The following RAB3GAP2 variants were observed in gnomAD, a reference collection of about 807,000 sequenced individuals.
RAB3GAP2 encodes the protein RAB3 GTPase activating non-catalytic protein subunit 2, also known as rab3 GTPase-activating protein non-catalytic subunit.
RAB3GAP2 carries 87 observed loss-of-function variants against 185.3 expected under a neutral mutation model. The observed-to-expected ratio is 0.47, with a 90% CI of 0.39 to 0.56. RAB3GAP2 has a LOEUF of 0.56. Among genes scored for constraint, RAB3GAP2 ranks in the 20% least tolerant of loss-of-function variants. The pLI, the probability that RAB3GAP2 is intolerant of heterozygous loss-of-function variation, is 0.00. For synonymous variants in RAB3GAP2, 554 were observed against 576.1 expected, an observed-to-expected ratio of 0.96 and a Z score of 0.55; for missense variants, 1,492 against 1,638.2, an observed-to-expected ratio of 0.91 and a Z score of 1.54.
intron 22 of RAB3GAP2, 22 bp downstream of exon 22, chr1:220,172,615 G>T: frequency 6.6e-7 from 1 of 1,506,152 alleles, no homozygotes; most frequent in Non-Finnish European, 9.2e-7. Context: ...CTTTGTTGAC[G>T]AGAGCAACAA....
Position 220,151,636 on chromosome 1 carries a change from T to C in RAB3GAP2, c.3996A>G (p.Pro1332=), listed in dbSNP as rs768393894. 8 of 1,612,144 alleles carry C rather than the reference T, an allele frequency of 5.0e-6. No homozygotes were observed. In the African/African-American group the frequency reaches 8.0e-5, roughly 16 times the overall value. The part of the protein sequence containing the change: ...KEGMELLARL[P]PTLCTWLKAM... ...CTTTCAGCCAAGTACACAGTGTGGGTGGAAGTCTGGCAAGCAGCTCCATTC... is the reference window on the plus strand; with the variant it reads ...CTTTCAGCCAAGTACACAGTGTGGGCGGAAGTCTGGCAAGCAGCTCCATTC... Residue 1332 remains proline, a synonymous_variant, in exon 34 of 35, where the codon CCA becomes CCG. Coordinates refer to ENST00000358951, the MANE Select transcript of RAB3GAP2 (RefSeq NM_012414.4).
At chr1:220,196,116 AT>A (rs1394474346) in intron 10 of RAB3GAP2, 133 bp downstream of exon 10, 1 of 986,846 alleles carries the variant, frequency 1.0e-6, no homozygotes, top group Non-Finnish European at 1.5e-6. Flanking sequence ...GTTGAGATTA[AT>A]TTTAGTTTCA....
chr1:220,254,368 T>C, intron 1 of RAB3GAP2: 1 of 1,613,334 alleles, frequency 6.2e-7, no homozygotes, highest in South Asian at 1.1e-5. Flanking sequence ...CCTGAGATTA[T>C]TTGTACGAAT....
intron 9 of RAB3GAP2, among the ~76,000 whole-genome samples, chr1:220,197,155 T>C (rs1398286331): frequency 6.6e-6 from 1 of 151,852 alleles, no homozygotes; most frequent in African/African-American, 2.4e-5. Flanking sequence ...GCCCAGCTAA[T>C]TTTTGTATTT....
intron 1 of RAB3GAP2, chr1:220,266,577 A>G: frequency 1.1e-6 from 1 of 871,646 alleles, no homozygotes; most frequent in Non-Finnish European, 1.9e-6. Flanking sequence ...CCTGCTCAGT[A>G]AAACAAATAT....
At chr1:220,223,203 A>G (rs1419129375) in intron 2 of RAB3GAP2, among the ~76,000 whole-genome samples, 1 of 152,160 alleles carries the variant, frequency 6.6e-6, no homozygotes, top group Admixed American at 6.5e-5. Flanking sequence ...GGCACATGTC[A>G]CTTTGTCTGA....
intron 1 of RAB3GAP2, among the ~76,000 whole-genome samples, chr1:220,251,921 G>A (rs1165550321): frequency 6.6e-6 from 1 of 152,088 alleles, no homozygotes; most frequent in African/African-American, 2.4e-5. Context: ...AAGCCGAGGT[G>A]GTGGGATTGC....
At chr1:220,170,841 C>T (rs772208818) in intron 24 of RAB3GAP2, 51 bp downstream of exon 24, 1 of 1,448,614 alleles carries the variant, frequency 6.9e-7, no homozygotes, top group Non-Finnish European at 9.7e-7. Flanking sequence ...TAAAAGAAAC[C>T]CTCGTAACAT....
chr1:220,169,836 T>G (rs1374806387), intron 24 of RAB3GAP2, among the ~76,000 whole-genome samples: 1 of 152,220 alleles, frequency 6.6e-6, no homozygotes, highest in Non-Finnish European at 1.5e-5. Context: ...ATTTTATTAG[T>G]CCATTTTGAA....
chr1:220,215,960 A>G (rs1344142373), intron 2 of RAB3GAP2, among the ~76,000 whole-genome samples: 1 of 152,172 alleles, frequency 6.6e-6, no homozygotes, highest in Non-Finnish European at 1.5e-5. Flanking sequence ...AGATTTTAGA[A>G]ACAGAAAATC....
At position 220,212,746 on chromosome 1, in the gene RAB3GAP2, G is replaced by A. The variant is rs867245397; in HGVS notation, c.386+141C>T. The A allele has an allele frequency of 9.6e-6, 7 of 730,414 alleles. No individual in the cohort carries two copies. The African/African-American group carries it at 1.1e-4, about 11-fold the overall frequency. The allele number at this position is 730,414 out of a possible 1,614,324, so 45.2% of individuals were successfully genotyped here. On this transcript the variant is annotated intron_variant, in intron 4 of 34. Transcript: ENST00000358951. The stretch of plus-strand genomic sequence containing the variant: ...GGGCTCAAATGATCTTCCTGCCTTG[G>A]CTTCCCAAAGTGCTAGGATTACAGA...
chr1:220,194,964 G>C, intron 12 of RAB3GAP2, 114 bp downstream of exon 12: 1 of 1,041,592 alleles, frequency 9.6e-7, no homozygotes, highest in Non-Finnish European at 1.5e-6. Flanking sequence ...CACTGTAATG[G>C]CTTTCAGAAG....
At chr1:220,223,335 ACT>A (rs986134068) in intron 2 of RAB3GAP2, among the ~76,000 whole-genome samples, 71 of 152,266 alleles carry the variant, frequency 4.7e-4, no homozygotes, top group African/African-American at 1.7e-3. Flanking sequence ...ATAAGAAATA[ACT>A]CTCACTCAAT....
intron 7 of RAB3GAP2, chr1:220,208,159 T>G (rs1023174364): frequency 6.6e-6 from 1 of 152,226 alleles, no homozygotes; most frequent in African/African-American, 2.4e-5. Context: ...GTTATATTTT[T>G]CCACCAGTTC....
chr1:220,152,800 G>A (rs924475971), intron 33 of RAB3GAP2, among the ~76,000 whole-genome samples: 1 of 152,002 alleles, frequency 6.6e-6, no homozygotes, highest in Non-Finnish European at 1.5e-5. Context: ...CAAGTGATCT[G>A]CCACCTGAGC....
chr1:220,163,942 T>C (rs974734274), intron 27 of RAB3GAP2, among the ~76,000 whole-genome samples: 1 of 151,784 alleles, frequency 6.6e-6, no homozygotes, highest in Non-Finnish European at 1.5e-5. Flanking sequence ...TAAGGTGATA[T>C]CTCCTCTTAC....
intron 1 of RAB3GAP2, among the ~76,000 whole-genome samples, chr1:220,241,126 T>C (rs1426911556): frequency 6.6e-6 from 1 of 152,114 alleles, no homozygotes; most frequent in Non-Finnish European, 1.5e-5. Context: ...AAATAAGAAA[T>C]TCAACTTCTG....
intron 1 of RAB3GAP2, among the ~76,000 whole-genome samples, chr1:220,269,509 G>C (rs1388071854): frequency 6.6e-6 from 1 of 152,174 alleles, no homozygotes; most frequent in East Asian, 1.9e-4. Flanking sequence ...GGATCGCAAG[G>C]TCAGGAGTTC....
At position 220,170,830 on chromosome 1, in the gene RAB3GAP2, T is replaced by C. The variant is rs564714033; in HGVS notation, c.2806+62A>G. 5.1e-6 allele frequency: 7 copies of C among 1,377,490 alleles called. No individual in the cohort carries two copies. In the African/African-American group the frequency reaches 7.1e-5, roughly 14 times the overall value. 85.3% of individuals were successfully genotyped at this position (1,377,490 alleles called of 1,614,324 possible). A position where few individuals can be genotyped will look rare whatever the true frequency, so the allele number is the denominator to read the frequency against. ...TTCTCTATTCTTTCCGTCATTTCTA[T>C]TAAAAGAAACCCTCGTAACATAAAA... On this transcript the variant is annotated intron_variant, in intron 24 of 34. Coordinates refer to ENST00000358951, the MANE Select transcript of RAB3GAP2 (RefSeq NM_012414.4).
Sources: allele counts gnomAD v4.1 joint callset (sites outside exome capture counted in the v4.1 genomes callset), GRCh38; gene constraint gnomAD v4.1.1; transcripts MANE v1.5; gene names NCBI Gene and HGNC (gene_info 2026-07-23, HGNC 2026-07-21).